Variants in NXPE2 observed in about 807,000 individuals in gnomAD.
NXPE2 encodes the protein neurexophilin and PC-esterase domain family member 2, also known as NXPE family member 2.
In NXPE2, 34 loss-of-function variants were observed where a neutral mutation model predicts 34.4. The ratio of observed to expected loss-of-function variants is 0.99; its 90% CI spans 0.75 to 1.31. The LOEUF is 1.31. Among genes scored for constraint, NXPE2 ranks in the 40% most tolerant of loss-of-function variants. The probability of loss-of-function intolerance (pLI) is 0.00; values close to 1 mark genes in which losing one functional copy is unlikely to be tolerated. For synonymous variants in NXPE2, 235 were observed against 231.3 expected, an observed-to-expected ratio of 1.02 and a Z score of -0.15; for missense variants, 649 against 672.5, an observed-to-expected ratio of 0.97 and a Z score of 0.39.
At chr11:114,684,467 G>A (rs151088625) in intron 2 of NXPE2, among the ~76,000 whole-genome samples, 78 of 152,048 alleles carry the variant, frequency 5.1e-4, no homozygotes, top group East Asian at 4.3e-3. Flanking sequence ...AGGAAACATC[G>A]GAATACAAAT....
chr11:114,648,976 C>G, the NXPE2 span, among the ~76,000 whole-genome samples: 2 of 152,016 alleles, frequency 1.3e-5, no homozygotes, highest in Non-Finnish European at 2.9e-5. Flanking sequence ...TTTATACACA[C>G]AATACAAATA....
chr11:114,773,275 T>TCCCCCCTC, the NXPE2 span, among the ~76,000 whole-genome samples: 1 of 38,414 alleles, frequency 2.6e-5, no homozygotes, highest in Non-Finnish European at 5.2e-5. Flanking sequence ...CACAACCCAC[T>TCCCCCCTC]CCCACCCCCC....
chr11:114,566,585 CA>C, the NXPE2 span, among the ~76,000 whole-genome samples: 1 of 152,014 alleles, frequency 6.6e-6, no homozygotes, highest in South Asian at 2.1e-4. Context: ...TGTGTTGTAA[CA>C]GAGAATAGGA....
the NXPE2 span, among the ~76,000 whole-genome samples, chr11:114,549,138 C>G: frequency 2.0e-5 from 3 of 152,064 alleles, no homozygotes; most frequent in Non-Finnish European, 2.9e-5. Context: ...TAGCAGAGCA[C>G]TGCTACTGAA....
the NXPE2 span, among the ~76,000 whole-genome samples, chr11:114,625,306 G>A: frequency 6.6e-6 from 1 of 152,128 alleles, no homozygotes; most frequent in South Asian, 2.1e-4. Flanking sequence ...GTTACCCAGT[G>A]GATAATAAGT....
At chr11:114,613,958 T>C in the NXPE2 span, among the ~76,000 whole-genome samples, 3 of 147,032 alleles carry the variant, frequency 2.0e-5, no homozygotes, top group Non-Finnish European at 4.5e-5. Context: ...AATCACTGTT[T>C]ACCGGTGGAT....
chr11:114,689,275 G>A (rs748822167), intron 2 of NXPE2, among the ~76,000 whole-genome samples: 2 of 151,848 alleles, frequency 1.3e-5, no homozygotes, highest in Non-Finnish European at 2.9e-5. Context: ...AGAAATTTTG[G>A]TATGTTTTGT....
the NXPE2 span, among the ~76,000 whole-genome samples, chr11:114,540,453 C>G: frequency 6.6e-6 from 1 of 152,024 alleles, no homozygotes; most frequent in African/African-American, 2.4e-5. Context: ...TATATATCTT[C>G]CTAGTCCACA....
chr11:114,698,518 T>C lies in NXPE2; in HGVS notation c.606T>C (p.Ala202=). 7 of 1,614,086 alleles carry C rather than the reference T, an allele frequency of 4.3e-6. No homozygotes were observed. Among genetic ancestry groups the C allele is most frequent in the South Asian group, 1.1e-5 (1 of 91,078 alleles). The change falls in exon 3 of 6, where the codon GCT becomes GCC. Residue 202 remains alanine, a synonymous_variant. Coordinates refer to ENST00000389586, the MANE Select transcript of NXPE2 (RefSeq NM_182495.6). ...LLIHPSEGVS[A]LWRARNQGCD... ...TCCACCCCAGTGAAGGGGTATCAGCTCTCTGGAGGGCAAGGAACCAAGGAT... is the reference window on the plus strand; with the variant it reads ...TCCACCCCAGTGAAGGGGTATCAGCCCTCTGGAGGGCAAGGAACCAAGGAT...
At chr11:114,646,611 G>A in the NXPE2 span, among the ~76,000 whole-genome samples, 1 of 151,956 alleles carries the variant, frequency 6.6e-6, no homozygotes, top group African/African-American at 2.4e-5. Flanking sequence ...CATATTCTCA[G>A]CATCAAAATA....
chr11:114,474,835 G>T, the NXPE2 span, among the ~76,000 whole-genome samples: 1 of 152,134 alleles, frequency 6.6e-6, no homozygotes, highest in Non-Finnish European at 1.5e-5. Flanking sequence ...TCCTTGCTTT[G>T]CATGATAGCA....
chr11:114,785,630 G>A, the NXPE2 span, among the ~76,000 whole-genome samples: 6 of 152,086 alleles, frequency 3.9e-5, no homozygotes, highest in African/African-American at 1.4e-4. Flanking sequence ...GAATTGAGAG[G>A]ATAATTCCCT....
At chr11:114,680,145 T>C (rs1950924072) in intron 2 of NXPE2, among the ~76,000 whole-genome samples, 1 of 152,160 alleles carries the variant, frequency 6.6e-6, no homozygotes, top group African/African-American at 2.4e-5. Context: ...TTAAGTAGTT[T>C]AGTGTCTCCT....
At chr11:114,533,231 T>C in the NXPE2 span, among the ~76,000 whole-genome samples, 4 of 152,184 alleles carry the variant, frequency 2.6e-5, no homozygotes, top group African/African-American at 9.7e-5. Flanking sequence ...AGTATTAAGA[T>C]AGCAAGAAGC....
At chr11:114,588,688 G>T in the NXPE2 span, among the ~76,000 whole-genome samples, 1 of 152,104 alleles carries the variant, frequency 6.6e-6, no homozygotes, top group Non-Finnish European at 1.5e-5. Context: ...GTGCATATTG[G>T]GGGGCCTATG....
chr11:114,549,413 A>G, the NXPE2 span, among the ~76,000 whole-genome samples: 1 of 152,082 alleles, frequency 6.6e-6, no homozygotes, highest in Non-Finnish European at 1.5e-5. Context: ...CATAATTCAG[A>G]GAGTTTTATT....
At chr11:114,592,401 C>G in the NXPE2 span, among the ~76,000 whole-genome samples, 1 of 151,680 alleles carries the variant, frequency 6.6e-6, no homozygotes. Context: ...GAAAAAATAT[C>G]AAAAAAGCAA....
the NXPE2 span, among the ~76,000 whole-genome samples, chr11:114,532,400 A>G: frequency 6.6e-6 from 1 of 152,144 alleles, no homozygotes; most frequent in East Asian, 1.9e-4. Context: ...AACTTACATT[A>G]TAAAATAGAT....
At chr11:114,796,107 C>T in the NXPE2 span, among the ~76,000 whole-genome samples, 1 of 152,176 alleles carries the variant, frequency 6.6e-6, no homozygotes, top group Non-Finnish European at 1.5e-5. Flanking sequence ...GTTTGCTGGG[C>T]AGATTCTCAA....
Sources: gnomAD v4.1 joint callset for allele counts (sites outside exome capture counted in the v4.1 genomes callset) on GRCh38, gnomAD v4.1.1 for gene constraint, MANE v1.5 for transcripts, NCBI Gene and HGNC (gene_info 2026-07-23, HGNC 2026-07-21) for gene names.